The following RGL1 variants were observed in gnomAD, a reference collection of about 807,000 sequenced individuals.
The protein encoded by RGL1 is ral guanine nucleotide dissociation stimulator like 1, also known as ral guanine nucleotide dissociation stimulator-like 1.
A neutral mutation model predicts 95.2 loss-of-function variants in RGL1; 24 were observed. The observed-to-expected ratio is 0.25, with a 90% confidence interval of 0.18 to 0.35. The LOEUF is 0.35. RGL1 is among the 10% of genes least tolerant of loss of function. The pLI is 1.00. For missense variants in RGL1, 715 were observed against 936.3 expected (o/e 0.76, Z 3.08); for synonymous variants, 329 against 344.9 (o/e 0.95, Z 0.51).
At chr1:183,844,924 C>T (rs1023646841) in intron 2 of RGL1, among the ~76,000 whole-genome samples, 5 of 152,160 alleles carry the variant, frequency 3.3e-5, no homozygotes, top group Non-Finnish European at 2.9e-5. Context: ...TTCCTGTTAG[C>T]GGTTTGACAT....
intron 1 of RGL1, among the ~76,000 whole-genome samples, chr1:183,805,971 C>CTTTTTTTTTTTTTTTTT (rs751229707): frequency 6.7e-4 from 50 of 74,634 alleles, no homozygotes; most frequent in East Asian, 9.5e-4. Context: ...CTTTTCTTTT[C>CTTTTTTTTTTTTTTTTT]TTTTTTTTTT....
At chr1:183,638,989 T>C (rs1414724569) in intron 1 of RGL1, among the ~76,000 whole-genome samples, 3 of 152,156 alleles carry the variant, frequency 2.0e-5, no homozygotes, top group Non-Finnish European at 4.4e-5. Flanking sequence ...AACAAAGACA[T>C]TGAATCCTGG....
At chr1:183,918,025 G>A (rs937569308) in intron 16 of RGL1, among the ~76,000 whole-genome samples, 3 of 152,142 alleles carry the variant, frequency 2.0e-5, no homozygotes, top group Non-Finnish European at 4.4e-5. Context: ...TTTTGATGAG[G>A]TAGAATTGTA....
At chr1:183,897,014 A>G (rs1667741760) in intron 9 of RGL1, among the ~76,000 whole-genome samples, 2 of 152,204 alleles carry the variant, frequency 1.3e-5, no homozygotes, top group Non-Finnish European at 1.5e-5. Flanking sequence ...TTAGCTAAGA[A>G]ATGCTACAGA....
intron 2 of RGL1, among the ~76,000 whole-genome samples, chr1:183,828,300 A>G (rs1030736958): frequency 2.0e-5 from 3 of 152,228 alleles, no homozygotes; most frequent in Admixed American, 6.5e-5. Flanking sequence ...TGGAACAGCC[A>G]TGACTTAATT....
intron 1 of RGL1, among the ~76,000 whole-genome samples, chr1:183,714,489 T>G (rs761866355): frequency 6.6e-6 from 1 of 152,236 alleles, no homozygotes; most frequent in Non-Finnish European, 1.5e-5. Context: ...TAAGGGAAGA[T>G]GATGCTTTTG....
intron 1 of RGL1, among the ~76,000 whole-genome samples, chr1:183,656,151 A>C (rs147797124): frequency 6.7e-6 from 1 of 149,104 alleles, no homozygotes; most frequent in African/African-American, 2.5e-5. Flanking sequence ...TTCCGGCACA[A>C]GGAAGTCCCC....
chr1:183,852,707 G>T lies in RGL1; in HGVS notation c.347+4933G>T, dbSNP rs575843554. ...AGGCGTCTGTAGTCCTAGCTACTCGGGAGGCTGAGGCGGGAGAATCGCTTG... is the reference window on the plus strand; with the variant it reads ...AGGCGTCTGTAGTCCTAGCTACTCGTGAGGCTGAGGCGGGAGAATCGCTTG... On this transcript the variant is annotated intron_variant, in intron 3 of 17. Coordinates refer to ENST00000360851, the MANE Select transcript of RGL1 (RefSeq NM_001297671.3). 9.2e-5 allele frequency among the ~76,000 whole-genome samples: 14 copies of T among 152,268 alleles called. No homozygotes were observed. In the East Asian group the frequency reaches 2.7e-3, roughly 29 times the overall value.
chr1:183,682,103 C>T (rs543590343), intron 1 of RGL1, among the ~76,000 whole-genome samples: 1 of 152,024 alleles, frequency 6.6e-6, no homozygotes, highest in Non-Finnish European at 1.5e-5. Context: ...TTTTGTTAAT[C>T]TTTTCAAAAA....
intron 3 of RGL1, among the ~76,000 whole-genome samples, chr1:183,852,833 C>A (rs1052342779): frequency 8.6e-5 from 13 of 151,956 alleles, no homozygotes; most frequent in African/African-American, 3.1e-4. Flanking sequence ...TCCACCATAC[C>A]ATTTTAAACA....
chr1:183,898,607 G>T (rs1444550710), intron 10 of RGL1, among the ~76,000 whole-genome samples: 1 of 152,204 alleles, frequency 6.6e-6, no homozygotes, highest in African/African-American at 2.4e-5. Flanking sequence ...CTCAACGTAA[G>T]TAAGAAATGT....
rs772743229 is a variant in RGL1, at chr1:183,823,942, C to A, written c.138+17457C>A. Among the ~76,000 whole-genome samples, 7 of 152,106 alleles carry A rather than the reference C, an allele frequency of 4.6e-5. No homozygotes were observed. In the South Asian group the frequency reaches 1.0e-3, roughly 23 times the overall value. On this transcript the variant is annotated intron_variant, in intron 2 of 17. Transcript: ENST00000360851. The stretch of plus-strand genomic sequence containing the variant: ...GCTAGGACTACAGGCCTATGCAATC[C>A]CCCATGGCTAATTCTTTTAATTTTT...
At chr1:183,862,885 CACA>C (rs1159136341) in intron 3 of RGL1, among the ~76,000 whole-genome samples, 1 of 152,092 alleles carries the variant, frequency 6.6e-6, no homozygotes, top group Non-Finnish European at 1.5e-5. Context: ...GGACAATTAA[CACA>C]ACAACAAAAT....
intron 1 of RGL1, among the ~76,000 whole-genome samples, chr1:183,666,005 CTTTTTTTTTTTT>C (rs746295660): frequency 1.5e-5 from 2 of 130,716 alleles, no homozygotes; most frequent in African/African-American, 2.8e-5. Context: ...TTCTTTTTTT[CTTTTTTTTTTTT>C]TTTTTGAGAT....
chr1:183,829,805 T>TTC (rs1228115962), intron 2 of RGL1, among the ~76,000 whole-genome samples: 1 of 152,156 alleles, frequency 6.6e-6, no homozygotes, highest in Non-Finnish European at 1.5e-5. Flanking sequence ...CCCTGAAACG[T>TTC]TCTCTCTCTC....
intron 3 of RGL1, among the ~76,000 whole-genome samples, chr1:183,864,956 A>G (rs1056578249): frequency 1.3e-5 from 2 of 152,234 alleles, no homozygotes; most frequent in Non-Finnish European, 2.9e-5. Flanking sequence ...CATTAGTAGA[A>G]AACAAAAGTG....
rs573407590 is a variant in RGL1 at position 183,668,674 on chromosome 1, T to G, written c.-33+32173T>G. Among the ~76,000 whole-genome samples, 42 of 152,168 alleles carry G rather than the reference T, an allele frequency of 2.8e-4. No homozygotes were observed. In the South Asian group the frequency reaches 8.3e-3, roughly 30 times the overall value. ...ATCTATGCCTAAGCATAGTTTTTTT[T>G]GTTTTCTTTTTGTTTTGCATTTATC... On this transcript the variant is annotated intron_variant, in intron 1 of 18. Transcript: ENST00000304685.
In RGL1 at chr1:183,913,261, T is replaced by C. The variant is rs559267002; in HGVS notation, c.1749+993T>C. Among the ~76,000 whole-genome samples the C allele has an allele frequency of 5.6e-5, 8 of 141,660 alleles. No individual in the cohort carries two copies. The East Asian group carries it at 1.5e-3, about 26-fold the overall frequency. The allele number at this position is 141,660 out of a possible 152,430, so 92.9% of individuals were successfully genotyped here. A position where few individuals can be genotyped will look rare whatever the true frequency, so the allele number is the denominator to read the frequency against. On this transcript the variant is annotated intron_variant, in intron 15 of 17. Coordinates refer to ENST00000360851, the MANE Select transcript of RGL1 (RefSeq NM_001297671.3). ...CCCAGGCTGGAATGCAGTGGTACGA[T>C]CTTGGCTCACTACAACCTCTGTCTT... is the stretch of plus-strand genomic sequence containing the variant.
chr1:183,805,105 C>A, upstream of RGL1: 1 of 568,634 alleles, frequency 1.8e-6, no homozygotes, highest in Non-Finnish European at 2.7e-6. Flanking sequence ...CTCGCTCGCT[C>A]GCCGCGCTCC....
Sources: gnomAD v4.1 joint callset for allele counts (sites outside exome capture counted in the v4.1 genomes callset) on GRCh38, gnomAD v4.1.1 for gene constraint, MANE v1.5 for transcripts, NCBI Gene and HGNC (gene_info 2026-07-23, HGNC 2026-07-21) for gene names.